Variants in CFAP69 observed in about 807,000 individuals in gnomAD.
The protein encoded by CFAP69 is cilia- and flagella-associated protein 69.
Under a neutral mutation model 123.0 loss-of-function variants are expected in CFAP69, and 92 were observed. The ratio of observed to expected loss-of-function variants is 0.75; its 90% CI spans 0.63 to 0.89. The LOEUF (loss-of-function observed/expected upper bound fraction) is 0.89. Among genes scored for constraint, CFAP69 ranks in the 40% least tolerant of loss-of-function variants. CFAP69 has a pLI of 0.00. For missense variants in CFAP69, 1,067 were observed against 1,096.9 expected (o/e 0.97, Z 0.39); for synonymous variants, 380 against 364.3 (o/e 1.04, Z -0.49).
In CFAP69 at chr7:90,307,091, A is replaced by T. The variant is rs757944163; in HGVS notation, c.2456A>T (p.Tyr819Phe). ...CQDMQNEQKV[Y>F]AKIQATHKQR... ...GACATGCAAAATGAACAAAAAGTATATGCAAAAGTAAGCTACATAGGTAGT... is the reference window on the plus strand; with the variant it reads ...GACATGCAAAATGAACAAAAAGTATTTGCAAAAGTAAGCTACATAGGTAGT... The change falls in exon 20 of 23, where the codon TAT (tyrosine) becomes TTT (phenylalanine). Residue 819 changes from tyrosine (Y) to phenylalanine (F), a missense_variant. Coordinates refer to ENST00000389297, the MANE Select transcript of CFAP69 (RefSeq NM_001039706.3). 2 of 1,610,112 alleles carry T rather than the reference A, an allele frequency of 1.2e-6. No individual in the cohort carries two copies. The highest frequency in any genetic ancestry group is 3.4e-5 in the Admixed American group (2 of 58,788).
chr7:90,291,098 A>G (rs999030243), intron 15 of CFAP69, among the ~76,000 whole-genome samples: 3 of 152,152 alleles, frequency 2.0e-5, no homozygotes, highest in African/African-American at 7.2e-5. Context: ...TGGATCACAC[A>G]CAGGAAAGAA....
intron 13 of CFAP69, among the ~76,000 whole-genome samples, 188 bp downstream of exon 13, chr7:90,283,244 C>T (rs1469127780): frequency 1.3e-5 from 2 of 152,026 alleles, no homozygotes; most frequent in Non-Finnish European, 2.9e-5. Context: ...ACTTACTAAC[C>T]CTTTAAGCAT....
At chr7:90,312,224 A>ATGTTG (rs1267497959), downstream of CFAP69, among the ~76,000 whole-genome samples, 9 of 152,240 alleles carry the variant, frequency 5.9e-5, no homozygotes, top group African/African-American at 9.6e-5. Flanking sequence ...TTCAGCCAAC[A>ATGTTG]AAATACTACA....
At chr7:90,315,956 T>C (rs1489846671), downstream of CFAP69, among the ~76,000 whole-genome samples, 2 of 152,062 alleles carry the variant, frequency 1.3e-5, no homozygotes, top group Non-Finnish European at 2.9e-5. Flanking sequence ...TAGCTGGGCA[T>C]GGTGGCAGGT....
At chr7:90,266,816 T>A (rs954238433) in intron 5 of CFAP69, among the ~76,000 whole-genome samples, 4 of 152,202 alleles carry the variant, frequency 2.6e-5, no homozygotes, top group African/African-American at 9.6e-5. Flanking sequence ...CAAAAACTCT[T>A]CATGATTTTA....
At chr7:90,261,251 T>C (rs1207140178) in intron 3 of CFAP69, among the ~76,000 whole-genome samples, 2 of 152,148 alleles carry the variant, frequency 1.3e-5, no homozygotes. Context: ...AATTTTGTAT[T>C]TTTAGTAGAG....
chr7:90,297,192 C>T (rs1792116375), intron 15 of CFAP69, among the ~76,000 whole-genome samples: 1 of 152,158 alleles, frequency 6.6e-6, no homozygotes, highest in South Asian at 2.1e-4. Flanking sequence ...TGTGAAGAGT[C>T]TGTTTTTTCA....
intron 18 of CFAP69, chr7:90,304,322 C>G (rs1333819883): frequency 3.1e-6 from 4 of 1,281,026 alleles, no homozygotes; most frequent in Non-Finnish European, 3.9e-6. Flanking sequence ...TTAAAGCTCC[C>G]CAGGCAATTC....
chr7:90,249,485 A>T (rs11563922), intron 1 of CFAP69, among the ~76,000 whole-genome samples: 3,001 of 152,280 alleles, frequency 0.02, 98 homozygotes, highest in East Asian at 0.11. Context: ...TTGTTTTTCT[A>T]GTATTAATCC....
rs1050933931 is a variant in CFAP69 at position 90,261,229 on chromosome 7, C to T, written c.247-718C>T. The stretch of plus-strand genomic sequence containing the variant: ...TGAATAGCTGGGATTACAGGCACCA[C>T]CACGCCCAGCGAATTTTGTATTTTT... On this transcript the variant is annotated intron_variant, in intron 3 of 22. Transcript: ENST00000389297. Among the ~76,000 whole-genome samples, 25 of 152,094 alleles carry T rather than the reference C, an allele frequency of 1.6e-4. 1 individual carries two copies. The highest frequency in any genetic ancestry group is 1.4e-3 in the Admixed American group (22 of 15,270).
intron 9 of CFAP69, among the ~76,000 whole-genome samples, chr7:90,274,541 G>A (rs1584413148): frequency 6.6e-6 from 1 of 152,088 alleles, no homozygotes; most frequent in East Asian, 1.9e-4. Flanking sequence ...TAGAACTCTA[G>A]GCTGAAAAAT....
chr7:90,298,424 A>G (rs1792308768), intron 16 of CFAP69, among the ~76,000 whole-genome samples: 2 of 152,188 alleles, frequency 1.3e-5, no homozygotes, highest in Non-Finnish European at 2.9e-5. Context: ...TCAGGATGAT[A>G]TGGGAGGAAA....
At chr7:90,286,842 C>T (rs553804429) in intron 14 of CFAP69, among the ~76,000 whole-genome samples, 43 of 152,098 alleles carry the variant, frequency 2.8e-4, no homozygotes, top group African/African-American at 1.0e-3. Context: ...AATCTCAGCA[C>T]TTTGGGAGGC....
intron 14 of CFAP69, among the ~76,000 whole-genome samples, chr7:90,287,005 T>A (rs1362092439): frequency 6.6e-6 from 1 of 151,022 alleles, no homozygotes; most frequent in Non-Finnish European, 1.5e-5. Flanking sequence ...CGAGAATTGC[T>A]TGAACCTAGG....
chr7:90,245,714 G>A (rs1027844924), intron 1 of CFAP69, among the ~76,000 whole-genome samples, 170 bp downstream of exon 1: 2 of 152,110 alleles, frequency 1.3e-5, no homozygotes, highest in African/African-American at 4.8e-5. Context: ...CCCACCCCCT[G>A]CGAACTGCAC....
At chr7:90,281,993 AAATCCTGTTGGC>A (rs1202696770) in intron 12 of CFAP69, among the ~76,000 whole-genome samples, 3 of 152,192 alleles carry the variant, frequency 2.0e-5, no homozygotes, top group African/African-American at 7.2e-5. Context: ...GAAAAACTCT[AAATCCTGTTGGC>A]AATCAGATAA....
At chr7:90,267,633 C>T (rs1799337148) in intron 5 of CFAP69, among the ~76,000 whole-genome samples, 4 of 152,152 alleles carry the variant, frequency 2.6e-5, no homozygotes, top group Non-Finnish European at 4.4e-5. Flanking sequence ...AAAACTATTA[C>T]CCTTGCATGT....
chr7:90,294,118 T>C (rs772067249), intron 15 of CFAP69, among the ~76,000 whole-genome samples: 14 of 152,314 alleles, frequency 9.2e-5, no homozygotes, highest in Middle Eastern at 3.4e-3. Context: ...CAACCTTCTT[T>C]GCATAGCTAG....
At chr7:90,296,037 CCT>C (rs2117273263) in intron 15 of CFAP69, among the ~76,000 whole-genome samples, 1 of 152,242 alleles carries the variant, frequency 6.6e-6, no homozygotes, top group South Asian at 2.1e-4. Flanking sequence ...GTGCTGAACT[CCT>C]GTCTCATCCG....
Sources: gnomAD v4.1 joint callset for allele counts (sites outside exome capture counted in the v4.1 genomes callset) on GRCh38, gnomAD v4.1.1 for gene constraint, MANE v1.5 for transcripts, NCBI Gene and HGNC (gene_info 2026-07-23, HGNC 2026-07-21) for gene names.